The following CACHD1 variants were observed in gnomAD, a reference collection of about 807,000 sequenced individuals.
CACHD1 encodes the protein VWFA and cache domain-containing protein 1.
Under a neutral mutation model 138.7 loss-of-function variants are expected in CACHD1, and 71 were observed. The observed-to-expected ratio is 0.51, with a 90% CI of 0.42 to 0.62. The LOEUF is 0.62. CACHD1 is among the 20% of genes least tolerant of loss of function. CACHD1 has a pLI of 0.00. For missense variants in CACHD1, 1,389 were observed against 1,625.3 expected, an observed-to-expected ratio of 0.85 and a Z score of 2.50; for synonymous variants, 578 against 591.5, an observed-to-expected ratio of 0.98 and a Z score of 0.33.
intron 15 of CACHD1, 69 bp from the exon 16 acceptor site, chr1:64,665,988 G>C: frequency 2.2e-6 from 2 of 902,588 alleles, no homozygotes; most frequent in Non-Finnish European, 3.4e-6. Context: ...CTGGGCGACA[G>C]AGCAAGACTC....
chr1:64,501,777 T>G (rs1646341927), intron 1 of CACHD1, among the ~76,000 whole-genome samples: 1 of 152,222 alleles, frequency 6.6e-6, no homozygotes, highest in Non-Finnish European at 1.5e-5. Flanking sequence ...GAAATGGAAG[T>G]GACTTCCACT....
intron 2 of CACHD1, among the ~76,000 whole-genome samples, chr1:64,577,630 G>A (rs1294173233): frequency 1.3e-5 from 2 of 152,176 alleles, no homozygotes; most frequent in Non-Finnish European, 2.9e-5. Context: ...GCACCTAATA[G>A]GGTCCTTTAA....
intron 1 of CACHD1, among the ~76,000 whole-genome samples, chr1:64,519,186 C>T (rs1184108113): frequency 6.6e-6 from 1 of 152,114 alleles, no homozygotes; most frequent in Non-Finnish European, 1.5e-5. Context: ...AGAATTTGCT[C>T]AAAAATCTCT....
intron 2 of CACHD1, among the ~76,000 whole-genome samples, chr1:64,555,003 G>A (rs1281839165): frequency 6.6e-6 from 1 of 151,892 alleles, no homozygotes; most frequent in Non-Finnish European, 1.5e-5. Context: ...GTTTTGTTTG[G>A]TTTTGAGATA....
rs200203953 is a variant in CACHD1 at position 64,652,298 on chromosome 1, A to G, written c.1528A>G (p.Ile510Val). The G allele has an allele frequency of 2.5e-6, 4 of 1,606,808 alleles. No individual in the cohort carries two copies. The highest frequency in any genetic ancestry group is 2.7e-5 in the African/African-American group (2 of 74,428). The change falls in exon 10 of 27, where the codon ATA (isoleucine) becomes GTA (valine). Residue 510 changes from isoleucine to valine, a missense_variant. By Grantham distance (29) the Ile-to-Val change is conservative. Around this residue, in one of 5 missense-constraint regions of CACHD1, gnomAD observed 1,000 missense variants for 1,114.7 expected, o/e 0.90. Coordinates refer to ENST00000651257, the MANE Select transcript of CACHD1 (RefSeq NM_020925.4). ...CTCTTTGGCTTCCTATACTTTTCTC[A>G]TAGACGACAAAGGTAATCTGCTAAA... ...QDSLASYTFL[I>V]DDKGYTLMHP...
At chr1:64,594,113 G>A (rs1005331834) in intron 3 of CACHD1, among the ~76,000 whole-genome samples, 7 of 152,062 alleles carry the variant, frequency 4.6e-5, no homozygotes, top group African/African-American at 7.2e-5. Context: ...AATTAGCTGC[G>A]CATGATGGTG....
chr1:64,556,991 C>T (rs1259059148), intron 2 of CACHD1, among the ~76,000 whole-genome samples: 1 of 151,902 alleles, frequency 6.6e-6, no homozygotes, highest in Admixed American at 6.6e-5. Flanking sequence ...TGGTGGCGGG[C>T]GCCTGTAGTC....
intron 1 of CACHD1, among the ~76,000 whole-genome samples, chr1:64,501,255 A>G (rs549648739): frequency 1.3e-5 from 2 of 152,340 alleles, no homozygotes; most frequent in East Asian, 3.9e-4. Flanking sequence ...TCTAGGAAAT[A>G]AGTGAAAAGA....
rs759519023 is a variant in CACHD1 at position 64,641,821 on chromosome 1, T to C, written c.1008T>C (p.Asn336=). 1 of 1,534,232 alleles carries C rather than the reference T, an allele frequency of 6.5e-7. No homozygotes were observed. The highest frequency in any genetic ancestry group is 2.1e-5 in the Admixed American group (1 of 46,980). The part of the protein sequence containing the change: ...STNNNTKFQA[N]TDMVIIYLSA... ...TTCAATTGATGTGTTTTTGTTTAGA[T>C]ACAGACATGGTCATCATTTACCTGT... The change falls in exon 8 of 27, where the codon AAT becomes AAC. Residue 336 remains asparagine, a splice_region_variant and synonymous_variant. Transcript: ENST00000651257.
intron 2 of CACHD1, among the ~76,000 whole-genome samples, chr1:64,580,578 G>A (rs1159515768): frequency 6.6e-6 from 1 of 152,142 alleles, no homozygotes; most frequent in African/African-American, 2.4e-5. Flanking sequence ...ACCCCTGAAA[G>A]GGTTATATTA....
At chr1:64,630,954 G>A (rs1648282740) in intron 5 of CACHD1, among the ~76,000 whole-genome samples, 1 of 152,082 alleles carries the variant, frequency 6.6e-6, no homozygotes, top group East Asian at 1.9e-4. Context: ...GATAGACTGC[G>A]ATTCACATTT....
intron 2 of CACHD1, among the ~76,000 whole-genome samples, chr1:64,561,502 T>G (rs1465027956): frequency 6.6e-6 from 1 of 152,222 alleles, no homozygotes; most frequent in East Asian, 1.9e-4. Context: ...ATATTTCTTG[T>G]AGTGAAGATA....
At chr1:64,656,984 A>G (rs1202675656) in intron 12 of CACHD1, among the ~76,000 whole-genome samples, 3 of 152,204 alleles carry the variant, frequency 2.0e-5, no homozygotes, top group Admixed American at 6.5e-5. Flanking sequence ...ACTCATAGAT[A>G]TAGCAGATAT....
At chr1:64,499,626 T>C (rs1030764222) in intron 1 of CACHD1, among the ~76,000 whole-genome samples, 2 of 152,218 alleles carry the variant, frequency 1.3e-5, no homozygotes, top group African/African-American at 2.4e-5. Flanking sequence ...TTCCATTACA[T>C]TGCAGACAAC....
At chr1:64,649,926 A>G (rs1000300718) in intron 9 of CACHD1, among the ~76,000 whole-genome samples, 1 of 152,144 alleles carries the variant, frequency 6.6e-6, no homozygotes, top group African/African-American at 2.4e-5. Flanking sequence ...CAGTCCCTAG[A>G]ATTATTGAGT....
At chr1:64,498,860 A>G (rs1646321869) in intron 1 of CACHD1, among the ~76,000 whole-genome samples, 1 of 152,244 alleles carries the variant, frequency 6.6e-6, no homozygotes, top group Non-Finnish European at 1.5e-5. Context: ...AAGAAAGTGC[A>G]ATAATCGTGT....
chr1:64,485,026 T>C lies in CACHD1; in HGVS notation c.198+14084T>C, dbSNP rs187279680. Among the ~76,000 whole-genome samples the C allele has an allele frequency of 6.6e-5, 10 of 152,326 alleles. No individual in the cohort carries two copies. In the East Asian group the frequency reaches 1.7e-3, roughly 26 times the overall value. On this transcript the variant is annotated intron_variant, in intron 1 of 26. Transcript: ENST00000651257. ...ATTGCTAGATCATATGGTAATTCTG[T>C]TTGTCCGAGAAACTGCCGTACTGTT... is the stretch of plus-strand genomic sequence containing the variant.
chr1:64,556,683 C>CATT (rs10627727), intron 2 of CACHD1, among the ~76,000 whole-genome samples: 131,297 of 152,036 alleles, frequency 0.86, 57,944 homozygotes, highest in East Asian at 1. Flanking sequence ...TGCTTTTACT[C>CATT]ATTTCTTTTA....
At chr1:64,677,607 G>A (rs1248236806) in intron 22 of CACHD1, among the ~76,000 whole-genome samples, 1 of 152,176 alleles carries the variant, frequency 6.6e-6, no homozygotes, top group Admixed American at 6.5e-5. Flanking sequence ...AGGAATTGTG[G>A]CATCAAACTG....
Sources: gnomAD v4.1 joint callset for allele counts (sites outside exome capture counted in the v4.1 genomes callset) on GRCh38, gnomAD v4.1.1 for gene constraint, gnomAD v4.1.1 regional missense constraint, MANE v1.5 for transcripts, NCBI Gene and HGNC (gene_info 2026-07-23, HGNC 2026-07-21) for gene names.